VRK2: variants seen among roughly 807,000 people sequenced by gnomAD.
VRK2 encodes the protein VRK serine/threonine kinase 2.
A neutral mutation model predicts 57.6 loss-of-function variants in VRK2; 60 were observed. The observed-to-expected ratio is 1.04, with a 90% CI of 0.85 to 1.29. The LOEUF (loss-of-function observed/expected upper bound fraction) is 1.29, where lower values mean the gene tolerates loss of function less well. Among genes scored for constraint, VRK2 ranks in the 50% most tolerant of loss-of-function variants. The pLI is 0.00. For synonymous variants in VRK2, 231 were observed against 199.2 expected (o/e 1.16, Z -1.35); for missense variants, 705 against 588.1 (o/e 1.20, Z -2.06).
At chr2:58,085,930 CTTTTTTTT>C (rs59333442) in intron 4 of VRK2, among the ~76,000 whole-genome samples, 9,139 of 116,908 alleles carry the variant, frequency 0.078, 951 homozygotes, top group African/African-American at 0.24. Flanking sequence ...CTTTTTTTTT[CTTTTTTTT>C]TTTTTTTTGG....
intron 1 of VRK2, among the ~76,000 whole-genome samples, chr2:57,925,605 C>T (rs751642659): frequency 1.3e-5 from 2 of 151,730 alleles, no homozygotes; most frequent in Non-Finnish European, 1.5e-5. Context: ...AATAGTCTGG[C>T]TCAAGGTTTG....
At chr2:58,137,961 T>C (rs894671949) in intron 10 of VRK2, among the ~76,000 whole-genome samples, 1 of 152,146 alleles carries the variant, frequency 6.6e-6, no homozygotes, top group Non-Finnish European at 1.5e-5. Context: ...AATGGCTCTT[T>C]TTATTTTCTC....
rs116539170 is a variant in VRK2 at position 57,935,947 on chromosome 2, G to A, written c.-439+28108G>A. Among the ~76,000 whole-genome samples the A allele has an allele frequency of 3.9e-3, 587 of 152,188 alleles. 4 individuals carry two copies. Among genetic ancestry groups the A allele is most frequent in the African/African-American group, 0.013 (553 of 41,506 alleles). ...CTCCAAGGTGTGCTGGGACTTTTCC[G>A]GACTCCAGGACTCCTGCAAAGATAC... On this transcript the variant is annotated intron_variant, in intron 1 of 15. Coordinates refer to the VRK2 transcript ENST00000417641.
At chr2:57,918,347 C>A (rs1264944814) in intron 1 of VRK2, among the ~76,000 whole-genome samples, 2 of 74,030 alleles carry the variant, frequency 2.7e-5, no homozygotes, top group South Asian at 6.5e-4. Context: ...CTTTTCATTT[C>A]ATTTTTTTTG....
At chr2:58,021,467 A>G (rs1261839369) in intron 1 of VRK2, among the ~76,000 whole-genome samples, 3 of 152,220 alleles carry the variant, frequency 2.0e-5, no homozygotes. Flanking sequence ...CCCAATTTAT[A>G]CGTATGCTTG....
chr2:57,930,888 C>T (rs1470256644), intron 1 of VRK2, among the ~76,000 whole-genome samples: 1 of 152,040 alleles, frequency 6.6e-6, no homozygotes, highest in Non-Finnish European at 1.5e-5. Context: ...ATAATATCCT[C>T]CCGGTTTATC....
chr2:57,923,126 T>G (rs1670409553), intron 1 of VRK2, among the ~76,000 whole-genome samples: 1 of 152,082 alleles, frequency 6.6e-6, no homozygotes, highest in African/African-American at 2.4e-5. Context: ...CATCTGCTGA[T>G]GGACACTTAG....
intron 1 of VRK2, among the ~76,000 whole-genome samples, chr2:58,013,924 T>C (rs1039204935): frequency 1.3e-5 from 2 of 148,280 alleles, no homozygotes; most frequent in African/African-American, 5.0e-5. Flanking sequence ...AAAATATTCA[T>C]AATAATTTCA....
At chr2:58,069,445 T>G (rs184578974) in intron 2 of VRK2, among the ~76,000 whole-genome samples, 31 of 152,336 alleles carry the variant, frequency 2.0e-4, no homozygotes, top group African/African-American at 7.2e-4. Context: ...CTCCATGGTC[T>G]CCTTGGTACT....
chr2:57,975,038 A>C (rs1423332388), intron 1 of VRK2, among the ~76,000 whole-genome samples: 2 of 152,018 alleles, frequency 1.3e-5, no homozygotes, highest in Non-Finnish European at 2.9e-5. Flanking sequence ...GCATATCATA[A>C]ATTATAGAGA....
intron 11 of VRK2, 33 bp downstream of exon 11, chr2:58,139,865 A>AC: frequency 6.4e-7 from 1 of 1,552,502 alleles, no homozygotes; most frequent in Non-Finnish European, 8.7e-7. Flanking sequence ...TCCTATGATT[A>AC]CCTTCTATGA....
chr2:58,098,889 A>T (rs2104323415), intron 7 of VRK2, among the ~76,000 whole-genome samples: 1 of 152,204 alleles, frequency 6.6e-6, no homozygotes, highest in East Asian at 1.9e-4. Flanking sequence ...TAATAATATT[A>T]TGTTTATAAT....
chr2:57,998,792 A>G (rs1673000875), intron 1 of VRK2, among the ~76,000 whole-genome samples: 1 of 152,194 alleles, frequency 6.6e-6, no homozygotes, highest in Admixed American at 6.5e-5. Context: ...ACAATTAGTC[A>G]CAGATACTGT....
intron 12 of VRK2, among the ~76,000 whole-genome samples, chr2:58,153,602 G>A (rs1331854283): frequency 6.6e-6 from 1 of 151,946 alleles, no homozygotes; most frequent in African/African-American, 2.4e-5. Flanking sequence ...ATATGTTGCT[G>A]GATTTAATTT....
chr2:57,993,923 A>C (rs1041796828), intron 1 of VRK2, among the ~76,000 whole-genome samples: 2 of 152,280 alleles, frequency 1.3e-5, no homozygotes, highest in Non-Finnish European at 2.9e-5. Flanking sequence ...GGGAAAGGTC[A>C]GTTCTTGGTC....
chr2:58,109,906 C>T (rs1007204002), intron 7 of VRK2, among the ~76,000 whole-genome samples: 2 of 152,004 alleles, frequency 1.3e-5, no homozygotes, highest in African/African-American at 4.8e-5. Context: ...CTCTGTTGCC[C>T]ACAAAATCAG....
At chr2:57,997,824 C>T (rs200680209) in intron 1 of VRK2, among the ~76,000 whole-genome samples, 71 of 151,148 alleles carry the variant, frequency 4.7e-4, no homozygotes, top group African/African-American at 1.3e-3. Context: ...GCTTGAGTTC[C>T]GAAGGCAGAG....
chr2:58,106,556 C>T (rs1197813957), intron 7 of VRK2, among the ~76,000 whole-genome samples: 1 of 151,986 alleles, frequency 6.6e-6, no homozygotes, highest in Non-Finnish European at 1.5e-5. Flanking sequence ...AATAGAGGCA[C>T]AGCTTTTCTG....
chr2:58,082,272 A>G (rs1670995194), intron 2 of VRK2, among the ~76,000 whole-genome samples: 1 of 151,906 alleles, frequency 6.6e-6, no homozygotes, highest in African/African-American at 2.4e-5. Flanking sequence ...CTGGTTGGAC[A>G]TCTTTTTTTT....
Sources: gnomAD v4.1 joint callset for allele counts (sites outside exome capture counted in the v4.1 genomes callset) on GRCh38, gnomAD v4.1.1 for gene constraint, MANE v1.5 for transcripts, NCBI Gene and HGNC (gene_info 2026-07-23, HGNC 2026-07-21) for gene names.